The following DPP8 variants were observed in gnomAD, a reference collection of about 807,000 sequenced individuals.
The protein encoded by DPP8 is DPP VIII.
A neutral mutation model predicts 107.5 loss-of-function variants in DPP8; 31 were observed. The ratio of observed to expected loss-of-function variants is 0.29; its 90% CI spans 0.22 to 0.39. The LOEUF is 0.39. Ranked by LOEUF, DPP8 falls within the 10% of genes least tolerant of loss-of-function variation. DPP8 has a pLI of 1.00. For synonymous variants in DPP8, 381 were observed against 356.6 expected (o/e 1.07, Z -0.77); for missense variants, 842 against 1,076.1 (o/e 0.78, Z 3.04).
intron 12 of DPP8, among the ~76,000 whole-genome samples, chr15:65,469,033 T>C (rs2065615491): frequency 6.6e-6 from 1 of 152,110 alleles, no homozygotes; most frequent in Non-Finnish European, 1.5e-5. Context: ...TGGAGTGCAG[T>C]GGCGCGATCT....
intron 3 of DPP8, among the ~76,000 whole-genome samples, chr15:65,506,619 T>C (rs973701398): frequency 7.1e-5 from 9 of 127,656 alleles, no homozygotes; most frequent in African/African-American, 2.4e-4. Context: ...TAAACATATA[T>C]ACATATAAAC....
At chr15:65,454,772 G>A (rs954989701) in intron 16 of DPP8, among the ~76,000 whole-genome samples, 2 of 152,156 alleles carry the variant, frequency 1.3e-5, no homozygotes, top group East Asian at 1.9e-4. Context: ...TGATTCACCC[G>A]CCTCGGCCTC....
Position 65,445,027 on chromosome 15 carries a change from A to AC in DPP8, c.*1856_*1857insG, listed in dbSNP as rs2063443122. 6.6e-6 allele frequency: 1 copy of AC among 152,236 alleles called. No homozygotes were observed. Among genetic ancestry groups the AC allele is most frequent in the South Asian group, 2.1e-4 (1 of 4,832 alleles). 9.4% of individuals were successfully genotyped at this position (152,236 alleles called of 1,614,324 possible). The stretch of plus-strand genomic sequence containing the variant: ...ATATAAACAAATCTTGGCATGGGAA[A>AC]ATATCAAACATGAAAAGCAATACAT... On this transcript the variant is annotated 3_prime_UTR_variant, in exon 20 of 20. Coordinates refer to ENST00000300141, the MANE Select transcript of DPP8 (RefSeq NM_130434.5).
At chr15:65,509,561 CTTGT>C (rs2070490626) in intron 2 of DPP8, among the ~76,000 whole-genome samples, 1 of 152,146 alleles carries the variant, frequency 6.6e-6, no homozygotes, top group South Asian at 2.1e-4. Flanking sequence ...ATCAATGAGT[CTTGT>C]TTCTCTTTAG....
intron 15 of DPP8, among the ~76,000 whole-genome samples, chr15:65,463,434 T>C (rs996687373): frequency 4.0e-5 from 6 of 151,648 alleles, no homozygotes; most frequent in African/African-American, 7.3e-5. Flanking sequence ...CCCAGCTACT[T>C]GGGAGGCTGA....
At chr15:65,513,236 C>T (rs1441913290) in intron 1 of DPP8, among the ~76,000 whole-genome samples, 1 of 147,998 alleles carries the variant, frequency 6.8e-6, no homozygotes, top group African/African-American at 2.5e-5. Flanking sequence ...TTTTTTGAGA[C>T]GGAGTCTCGC....
intron 3 of DPP8, among the ~76,000 whole-genome samples, chr15:65,503,543 C>A: frequency 6.6e-6 from 1 of 152,006 alleles, no homozygotes; most frequent in South Asian, 2.1e-4. Flanking sequence ...CTGGCTCATG[C>A]GATTCTCCTG....
At chr15:65,460,341 G>A (rs192524642) in intron 15 of DPP8, among the ~76,000 whole-genome samples, 10 of 152,244 alleles carry the variant, frequency 6.6e-5, no homozygotes, top group East Asian at 1.9e-4. Flanking sequence ...TACTAGGGAC[G>A]CTGAAGCAGG....
chr15:65,464,869 TAGAAAC>T lies in DPP8; in HGVS notation c.1826-969_1826-964del, dbSNP rs1485765973. On this transcript the variant is annotated intron_variant, in intron 14 of 19. Transcript: ENST00000300141. ...TTGTTGATTAAACCATATATCTGGT[TAGAAAC>T]AGATAAAGCTGGGTGGGGGGGTGAG... Among the ~76,000 whole-genome samples the T allele has an allele frequency of 3.3e-5, 5 of 152,268 alleles. No individual in the cohort carries two copies. In the East Asian group the frequency reaches 9.7e-4, roughly 29 times the overall value.
intron 5 of DPP8, among the ~76,000 whole-genome samples, chr15:65,494,781 T>C (rs1400564917): frequency 6.6e-6 from 1 of 152,012 alleles, no homozygotes; most frequent in Non-Finnish European, 1.5e-5. Context: ...GGGAGACCCA[T>C]TAAACACCAA....
chr15:65,507,960 G>C (rs2070275630), intron 2 of DPP8, among the ~76,000 whole-genome samples: 1 of 152,182 alleles, frequency 6.6e-6, no homozygotes, highest in African/African-American at 2.4e-5. Context: ...TCTGTAGGCT[G>C]GGCGTGGTGG....
chr15:65,497,782 A>T, intron 5 of DPP8, 82 bp downstream of exon 5: 2 of 1,079,148 alleles, frequency 1.9e-6, no homozygotes, highest in Admixed American at 2.7e-5. Flanking sequence ...CCAACGTGGT[A>T]ATCTAATTTC....
intron 11 of DPP8, among the ~76,000 whole-genome samples, chr15:65,477,446 C>T (rs1426746586): frequency 3.3e-5 from 5 of 151,172 alleles, no homozygotes; most frequent in Admixed American, 2.6e-4. Context: ...TATATAAAAA[C>T]ATACTCAATG....
chr15:65,502,165 A>G (rs1407360394), intron 3 of DPP8, among the ~76,000 whole-genome samples: 1 of 152,104 alleles, frequency 6.6e-6, no homozygotes, highest in Non-Finnish European at 1.5e-5. Context: ...TTGGGATTAC[A>G]GGTGTGAGCC....
At chr15:65,505,793 T>C (rs918797425) in intron 3 of DPP8, among the ~76,000 whole-genome samples, 12 of 151,078 alleles carry the variant, frequency 7.9e-5, no homozygotes, top group African/African-American at 2.7e-4. Context: ...CTACTGAAAA[T>C]ACAAAAATTA....
rs1429464661 is a variant in DPP8, at chr15:65,480,516, C to T, written c.1119-117G>A. The stretch of plus-strand genomic sequence containing the variant: ...ATCTGTAATCACCATGAAAGAACTG[C>T]TTTAGTGTATATTAAATTATCACTT... On this transcript the variant is annotated intron_variant, in intron 9 of 19. Transcript: ENST00000300141. The T allele has an allele frequency of 1.3e-5, 8 of 595,702 alleles. No homozygotes were observed. In the South Asian group the frequency reaches 1.8e-4, roughly 14 times the overall value. The allele number at this position is 595,702 out of a possible 1,614,324, so 36.9% of individuals were successfully genotyped here. A position where few individuals can be genotyped will look rare whatever the true frequency, so the allele number is the denominator to read the frequency against.
In DPP8 at chr15:65,478,818, T is replaced by C. The variant is rs1416511494; in HGVS notation, c.1456+62A>G. On this transcript the variant is annotated intron_variant, in intron 11 of 19. Coordinates refer to ENST00000300141, the MANE Select transcript of DPP8 (RefSeq NM_130434.5). ...AAAGCATGCAAAAGATACATTCCCC[T>C]GTCCCTCCCACCTTCTGCTTCCAAC... 3.4e-6 allele frequency: 4 copies of C among 1,169,440 alleles called. No individual in the cohort carries two copies. The Admixed American group carries it at 7.6e-5, about 22-fold the overall frequency. The allele number at this position is 1,169,440 out of a possible 1,614,324, so 72.4% of individuals were successfully genotyped here.
At chr15:65,494,982 C>T (rs141323893) in intron 5 of DPP8, among the ~76,000 whole-genome samples, 3 of 152,280 alleles carry the variant, frequency 2.0e-5, no homozygotes, top group African/African-American at 7.2e-5. Flanking sequence ...TTATGATGAT[C>T]ACACCACTCA....
At chr15:65,468,876 A>G (rs1343609834) in intron 12 of DPP8, among the ~76,000 whole-genome samples, 2 of 152,174 alleles carry the variant, frequency 1.3e-5, no homozygotes, top group Non-Finnish European at 2.9e-5. Context: ...CTTAACATCC[A>G]AGGAAGTATC....
Sources: allele counts gnomAD v4.1 joint callset (sites outside exome capture counted in the v4.1 genomes callset), GRCh38; gene constraint gnomAD v4.1.1; transcripts MANE v1.5; gene names NCBI Gene and HGNC (gene_info 2026-07-23, HGNC 2026-07-21).